Variants in CDH12 observed in about 807,000 individuals in gnomAD.
CDH12 encodes cadherin-12.
In CDH12, 41 loss-of-function variants were observed where a neutral mutation model predicts 74.1. The ratio of observed to expected loss-of-function variants is 0.55; its 90% CI spans 0.43 to 0.72. The LOEUF is 0.72. CDH12 is among the 30% of genes least tolerant of loss of function. The probability of loss-of-function intolerance (pLI) is 0.00; values close to 1 mark genes in which losing one functional copy is unlikely to be tolerated. For missense variants in CDH12, 945 were observed against 977.2 expected (o/e 0.97, Z 0.44); for synonymous variants, 399 against 355.0 (o/e 1.12, Z -1.39).
chr5:22,251,024 A>G lies in CDH12; in HGVS notation c.-332-38381T>C, dbSNP rs906319012. Among the ~76,000 whole-genome samples, 4 of 152,222 alleles carry G rather than the reference A, an allele frequency of 2.6e-5. No homozygotes were observed. The East Asian group carries it at 7.7e-4, about 29-fold the overall frequency. ...TAGCATGTGTTAAATACTGAAGGGG[A>G]AAGCCAGATTGAAATAATTTCCAAG... On this transcript the variant is annotated intron_variant, in intron 3 of 14. Transcript: ENST00000382254.
chr5:22,481,512 T>C (rs943378764), intron 2 of CDH12, among the ~76,000 whole-genome samples: 23 of 152,168 alleles, frequency 1.5e-4, no homozygotes, highest in Non-Finnish European at 2.2e-4. Context: ...AGTGGTATAT[T>C]ATTGAGCCTT....
intron 4 of CDH12, among the ~76,000 whole-genome samples, chr5:22,200,720 T>C (rs1750881510): frequency 6.6e-6 from 1 of 152,176 alleles, no homozygotes; most frequent in Non-Finnish European, 1.5e-5. Flanking sequence ...TGAATTTAAT[T>C]GCCCAAGTAG....
intron 3 of CDH12, among the ~76,000 whole-genome samples, chr5:22,328,835 C>T (rs563007029): frequency 6.6e-6 from 1 of 152,204 alleles, no homozygotes; most frequent in Middle Eastern, 3.4e-3. Context: ...TTTAAGAAAT[C>T]TATAGTCAGG....
chr5:21,798,424 A>C (rs1746916652), intron 10 of CDH12, among the ~76,000 whole-genome samples: 1 of 152,148 alleles, frequency 6.6e-6, no homozygotes, highest in Non-Finnish European at 1.5e-5. Context: ...ACGGGTGCTC[A>C]GTAATTGTTA....
chr5:22,616,284 T>G (rs757758998), intron 1 of CDH12, among the ~76,000 whole-genome samples: 1 of 152,212 alleles, frequency 6.6e-6, no homozygotes, highest in East Asian at 1.9e-4. Context: ...GAAGGAAGCA[T>G]ATATACAAAT....
intron 1 of CDH12, among the ~76,000 whole-genome samples, chr5:22,550,661 C>A (rs1322753647): frequency 6.6e-6 from 1 of 152,218 alleles, no homozygotes; most frequent in Non-Finnish European, 1.5e-5. Flanking sequence ...TTAATGGTTT[C>A]TCTGATCTTA....
chr5:22,088,279 C>T (rs1232713048), intron 4 of CDH12, among the ~76,000 whole-genome samples: 2 of 152,104 alleles, frequency 1.3e-5, no homozygotes, highest in African/African-American at 4.8e-5. Flanking sequence ...TCCTTCTTGC[C>T]AGTCCTGAGT....
At chr5:22,293,761 T>A (rs1737505685) in intron 3 of CDH12, among the ~76,000 whole-genome samples, 1 of 152,196 alleles carries the variant, frequency 6.6e-6, no homozygotes. Flanking sequence ...AAATACTGCA[T>A]GATATCATTT....
At chr5:22,515,282 T>G (rs10462227) in intron 1 of CDH12, among the ~76,000 whole-genome samples, 1 of 152,032 alleles carries the variant, frequency 6.6e-6, no homozygotes, top group African/African-American at 2.4e-5. Flanking sequence ...GGAATTCAGA[T>G]ATTTTTCCCC....
chr5:22,476,612 G>A (rs1746182944), intron 2 of CDH12, among the ~76,000 whole-genome samples: 1 of 151,944 alleles, frequency 6.6e-6, no homozygotes, highest in African/African-American at 2.4e-5. Context: ...ATTAAATTGA[G>A]TATAAATGAT....
At chr5:22,549,096 T>C (rs1009696181) in intron 1 of CDH12, among the ~76,000 whole-genome samples, 2 of 151,384 alleles carry the variant, frequency 1.3e-5, no homozygotes, top group Non-Finnish European at 2.9e-5. Context: ...TGTATCACCA[T>C]CCCTGGCCTA....
intron 1 of CDH12, among the ~76,000 whole-genome samples, chr5:22,513,653 A>C (rs2126675357): frequency 6.6e-6 from 1 of 152,290 alleles, no homozygotes; most frequent in African/African-American, 2.4e-5. Flanking sequence ...GAGTACTTAG[A>C]ATGCACAACA....
intron 3 of CDH12, among the ~76,000 whole-genome samples, chr5:22,283,619 A>T (rs781048596): frequency 3.0e-4 from 45 of 152,026 alleles, no homozygotes; most frequent in Admixed American, 8.5e-4. Context: ...GAAGGCAAGG[A>T]GGAAAGAGAA....
intron 1 of CDH12, among the ~76,000 whole-genome samples, chr5:22,520,923 A>G (rs1737028634): frequency 6.6e-6 from 1 of 151,678 alleles, no homozygotes; most frequent in African/African-American, 2.4e-5. Context: ...TCCTCTTTAG[A>G]TGTTTTTAGC....
At chr5:21,769,549 A>G (rs1289042026) in intron 11 of CDH12, among the ~76,000 whole-genome samples, 2 of 152,172 alleles carry the variant, frequency 1.3e-5, no homozygotes, top group Non-Finnish European at 2.9e-5. Context: ...AAGAAATGTC[A>G]GCTTAATTGT....
intron 1 of CDH12, among the ~76,000 whole-genome samples, chr5:22,632,370 T>C (rs574744313): frequency 2.5e-4 from 38 of 151,838 alleles, no homozygotes; most frequent in Non-Finnish European, 5.0e-4. Flanking sequence ...TACAAATAAA[T>C]TAAGTAATTA....
chr5:21,980,554 T>C (rs976815760), intron 5 of CDH12, among the ~76,000 whole-genome samples: 2 of 152,146 alleles, frequency 1.3e-5, no homozygotes, highest in Non-Finnish European at 2.9e-5. Flanking sequence ...CTTCTTTTAT[T>C]TGTCCCTGTG....
At chr5:22,193,818 G>T (rs1274219437) in intron 4 of CDH12, among the ~76,000 whole-genome samples, 1 of 152,042 alleles carries the variant, frequency 6.6e-6, no homozygotes, top group Non-Finnish European at 1.5e-5. Flanking sequence ...GTAAGAACTT[G>T]GTTTGGCTCA....
intron 3 of CDH12, among the ~76,000 whole-genome samples, chr5:22,391,673 A>C (rs1219125360): frequency 6.6e-6 from 1 of 152,134 alleles, no homozygotes; most frequent in African/African-American, 2.4e-5. Context: ...ATGACTGATA[A>C]AATTTTTAAA....
Sources: gnomAD v4.1 joint callset for allele counts (sites outside exome capture counted in the v4.1 genomes callset) on GRCh38, gnomAD v4.1.1 for gene constraint, MANE v1.5 for transcripts, NCBI Gene and HGNC (gene_info 2026-07-23, HGNC 2026-07-21) for gene names.